Variants in PLEKHA3 observed in about 807,000 individuals in gnomAD.
PLEKHA3 encodes pleckstrin homology domain containing A3.
PLEKHA3 carries 19 observed loss-of-function variants against 39.2 expected under a neutral mutation model. That is an observed-to-expected ratio of 0.48 (90% CI 0.34 to 0.71). The LOEUF (loss-of-function observed/expected upper bound fraction) is 0.71, where lower values mean the gene tolerates loss of function less well. Among genes scored for constraint, PLEKHA3 ranks in the 30% least tolerant of loss-of-function variants. The pLI is 0.01. For missense variants in PLEKHA3, 253 were observed against 359.5 expected (o/e 0.70, Z 2.40); for synonymous variants, 97 against 118.6 (o/e 0.82, Z 1.18).
At chr2:178,496,475 C>A (rs1225827705) in intron 5 of PLEKHA3, among the ~76,000 whole-genome samples, 1 of 152,008 alleles carries the variant, frequency 6.6e-6, no homozygotes, top group Non-Finnish European at 1.5e-5. Flanking sequence ...TAGGGTCTAA[C>A]TTCTTCCTAG....
chr2:178,502,330 A>G (rs552103326), intron 7 of PLEKHA3: 56 of 406,878 alleles, frequency 1.4e-4, no homozygotes, highest in Non-Finnish European at 2.7e-4. Context: ...TTGAATTTAA[A>G]TTGAGATGTG....
chr2:178,489,456 T>G (rs1685308811), intron 2 of PLEKHA3, among the ~76,000 whole-genome samples: 1 of 138,320 alleles, frequency 7.2e-6, no homozygotes, highest in Non-Finnish European at 1.6e-5. Flanking sequence ...TCCTTCTTTT[T>G]TTTTTTTTTT....
In PLEKHA3 at chr2:178,501,129, A is replaced by G. The variant is rs755657036; in HGVS notation, c.728A>G (p.Tyr243Cys). Residue 243 changes from tyrosine to cysteine, a missense_variant, in exon 7 of 8, where the codon TAC (tyrosine) becomes TGC (cysteine). Coordinates refer to ENST00000234453, the MANE Select transcript of PLEKHA3 (RefSeq NM_019091.4). The part of the protein sequence containing the change: ...HRLSQRRRRT[Y>C]SDTDSCSDIP... Reference sequence around the variant, plus strand: ...CTCTCCCAGCGACGCCGAAGAACCTACTCAGATACAGATTCTTGTAGTGAT... The same window carrying G: ...CTCTCCCAGCGACGCCGAAGAACCTGCTCAGATACAGATTCTTGTAGTGAT... The G allele has an allele frequency of 5.6e-6, 9 of 1,613,194 alleles. No homozygotes were observed. The highest frequency in any genetic ancestry group is 1.7e-5 in the Admixed American group (1 of 59,952).
rs753092243 is a variant in PLEKHA3 at position 178,516,065 on chromosome 2, CATAT to C, written c.*12188_*12191del. 3 of 149,832 alleles carry C rather than the reference CATAT, an allele frequency of 2.0e-5. No homozygotes were observed. Among genetic ancestry groups the C allele is most frequent in the African/African-American group, 7.3e-5 (3 of 40,820 alleles). 9.3% of individuals were successfully genotyped at this position (149,832 alleles called of 1,614,324 possible). ...GCTTATATATGTGTATATACACATA[CATAT>C]ATATATATACATACATATATATACA... On this transcript the variant is annotated 3_prime_UTR_variant, in exon 8 of 8. Coordinates refer to ENST00000234453, the MANE Select transcript of PLEKHA3 (RefSeq NM_019091.4).
Position 178,503,762 on chromosome 2 carries a change from C to T in PLEKHA3, c.778C>T (p.Pro260Ser). 1 of 1,611,048 alleles carries T rather than the reference C, an allele frequency of 6.2e-7. No homozygotes were observed. Among genetic ancestry groups the T allele is most frequent in the Non-Finnish European group, 8.5e-7 (1 of 1,177,776 alleles). Residue 260 changes from proline (P) to serine (S), a missense_variant and splice_region_variant, in exon 8 of 8, where the codon CCT becomes TCT. Pro to Ser is a moderately conservative substitution (Grantham distance 74). Around this residue, in one of 2 missense-constraint regions of PLEKHA3, gnomAD observed 127 missense variants for 136.8 expected, o/e 0.93. Coordinates refer to ENST00000234453, the MANE Select transcript of PLEKHA3 (RefSeq NM_019091.4). Reference protein sequence around the residue: ...SDIPLEDPDRPVHCSKNTLNG... With the variant: ...SDIPLEDPDRSVHCSKNTLNG... ...CGTTTTTATCAATGTCTTCATAGGA[C>T]CTGTTCACTGTTCAAAAAATACACT... is the stretch of plus-strand genomic sequence containing the variant.
At position 178,509,267 on chromosome 2, in the gene PLEKHA3, T is replaced by TA. The variant is rs1328477071; in HGVS notation, c.*5386dup. 6.6e-6 allele frequency: 1 copy of TA among 152,146 alleles called. No individual in the cohort carries two copies. Among genetic ancestry groups the TA allele is most frequent in the Non-Finnish European group, 1.5e-5 (1 of 68,012 alleles). The allele number at this position is 152,146 out of a possible 1,614,324, so 9.4% of individuals were successfully genotyped here. A position where few individuals can be genotyped will look rare whatever the true frequency, so the allele number is the denominator to read the frequency against. On this transcript the variant is annotated 3_prime_UTR_variant, in exon 8 of 8. Coordinates refer to ENST00000234453, the MANE Select transcript of PLEKHA3 (RefSeq NM_019091.4). ...TCTAGATTTAAATTCTAATAGTGTA[T>TA]AAAAAATAAAAATTCTTTAGTATTA...
rs1310895116 is a variant in PLEKHA3, at chr2:178,513,810, G to C, written c.*9923G>C. On this transcript the variant is annotated 3_prime_UTR_variant, in exon 8 of 8. Transcript: ENST00000234453. ...ACAGATAGTAAGGGTTAACCACCCA[G>C]ATTTTTGTCAGATAATATATACATG... The C allele has an allele frequency of 6.6e-6, 1 of 151,822 alleles. No homozygotes were observed. Among genetic ancestry groups the C allele is most frequent in the Non-Finnish European group, 1.5e-5 (1 of 67,980 alleles). The allele number at this position is 151,822 out of a possible 1,614,324, so 9.4% of individuals were successfully genotyped here.
In PLEKHA3 at chr2:178,512,146, C is replaced by G. The variant is rs1300041709; in HGVS notation, c.*8259C>G. Reference sequence around the variant, plus strand: ...CTGAAACATTAAGCCTTTAAGTTATCCCTTTATTTAGTATTTAAATTCACA... The same window carrying G: ...CTGAAACATTAAGCCTTTAAGTTATGCCTTTATTTAGTATTTAAATTCACA... On this transcript the variant is annotated 3_prime_UTR_variant, in exon 8 of 8. Coordinates refer to ENST00000234453, the MANE Select transcript of PLEKHA3 (RefSeq NM_019091.4). The G allele has an allele frequency of 6.6e-6, 1 of 152,152 alleles. No homozygotes were observed. The highest frequency in any genetic ancestry group is 1.5e-5 in the Non-Finnish European group (1 of 68,020). The allele number at this position is 152,152 out of a possible 1,614,324, so 9.4% of individuals were successfully genotyped here.
chr2:178,488,924 C>T (rs1156697717), intron 2 of PLEKHA3: 2 of 439,372 alleles, frequency 4.6e-6, no homozygotes, highest in Non-Finnish European at 9.2e-6. Flanking sequence ...TCCATCTTTT[C>T]TGATGTTTTG....
In PLEKHA3 at chr2:178,503,916, G is replaced by A. The variant is rs764784476; in HGVS notation, c.*29G>A. The A allele has an allele frequency of 6.2e-7, 1 of 1,608,248 alleles. No individual in the cohort carries two copies. The highest frequency in any genetic ancestry group is 1.1e-5 in the South Asian group (1 of 90,778). Reference sequence around the variant, plus strand: ...AACTGAAGTGTCCAACTTCCTCTAAGTATTGCTATGCAAAAGCTGCTGTAA... The same window carrying A: ...AACTGAAGTGTCCAACTTCCTCTAAATATTGCTATGCAAAAGCTGCTGTAA... On this transcript the variant is annotated 3_prime_UTR_variant, in exon 8 of 8. Transcript: ENST00000234453.
chr2:178,487,613 G>A (rs766852073), intron 2 of PLEKHA3, among the ~76,000 whole-genome samples: 1 of 151,726 alleles, frequency 6.6e-6, no homozygotes, highest in Non-Finnish European at 1.5e-5. Context: ...TAATTTTTAT[G>A]TTTTTTGTAG....
rs1261464328 is a variant in PLEKHA3 at position 178,503,973 on chromosome 2, C to T, written c.*86C>T. On this transcript the variant is annotated 3_prime_UTR_variant, in exon 8 of 8. Transcript: ENST00000234453. ...TATTGTTATAGGGAGTAGTTTTTTC[C>T]CTTAGGACTCTGCACTTTATAGAAT... The T allele has an allele frequency of 7.7e-6, 11 of 1,430,862 alleles. No homozygotes were observed. The highest frequency in any genetic ancestry group is 1.1e-5 in the Non-Finnish European group (11 of 1,034,288). The allele number at this position is 1,430,862 out of a possible 1,614,324, so 88.6% of individuals were successfully genotyped here.
intron 4 of PLEKHA3, among the ~76,000 whole-genome samples, chr2:178,494,311 C>T (rs1685405148): frequency 6.6e-6 from 1 of 152,146 alleles, no homozygotes; most frequent in Non-Finnish European, 1.5e-5. Context: ...TGGACAGCTG[C>T]TATTCTCTTT....
At chr2:178,481,488 A>C (rs146921544) in intron 1 of PLEKHA3, among the ~76,000 whole-genome samples, 1 of 152,152 alleles carries the variant, frequency 6.6e-6, no homozygotes, top group East Asian at 1.9e-4. Context: ...GTTAACTGAG[A>C]AATAGTGGAA....
rs577476871 is a variant in PLEKHA3 at position 178,483,378 on chromosome 2, A to C, written c.41-2263A>C. Among the ~76,000 whole-genome samples, 3 of 152,284 alleles carry C rather than the reference A, an allele frequency of 2.0e-5. No homozygotes were observed. The South Asian group carries it at 6.2e-4, about 32-fold the overall frequency. On this transcript the variant is annotated intron_variant, in intron 1 of 7. Transcript: ENST00000234453. ...GAATTTTAAAAAGGGAATACCTGTG[A>C]ATCTTTTTCACAGATATTACCCTCT...
chr2:178,492,977 G>A lies in PLEKHA3; in HGVS notation c.314-876G>A, dbSNP rs149054788. ...AAAGAATAGGCTTAAATATGAGCAG[G>A]AATTGATTTAGGTTAGATTAAATGC... is the stretch of plus-strand genomic sequence containing the variant. On this transcript the variant is annotated intron_variant, in intron 3 of 7. Transcript: ENST00000234453. Among the ~76,000 whole-genome samples the A allele has an allele frequency of 9.2e-5, 14 of 152,300 alleles. No homozygotes were observed. In the East Asian group the frequency reaches 2.7e-3, roughly 29 times the overall value.
chr2:178,515,401 T>G lies in PLEKHA3; in HGVS notation c.*11514T>G, dbSNP rs887382093. The G allele has an allele frequency of 2.6e-5, 4 of 152,188 alleles. No individual in the cohort carries two copies. Among genetic ancestry groups the G allele is most frequent in the Non-Finnish European group, 5.9e-5 (4 of 68,036 alleles). The allele number at this position is 152,188 out of a possible 1,614,324, so 9.4% of individuals were successfully genotyped here. On this transcript the variant is annotated 3_prime_UTR_variant, in exon 8 of 8. Coordinates refer to ENST00000234453, the MANE Select transcript of PLEKHA3 (RefSeq NM_019091.4). ...CTATAATTAGCCAAAAAAAGACATA[T>G]GAACTTTTCTCATTCTGTCTACCTT...
In PLEKHA3 at chr2:178,503,965, G is replaced by GT. The variant is rs1182807475; in HGVS notation, c.*84dup. The stretch of plus-strand genomic sequence containing the variant: ...AATTAAACTATTGTTATAGGGAGTA[G>GT]TTTTTTCCCTTAGGACTCTGCACTT... On this transcript the variant is annotated 3_prime_UTR_variant, in exon 8 of 8. Transcript: ENST00000234453. 1.3e-6 allele frequency: 2 copies of GT among 1,523,230 alleles called. No individual in the cohort carries two copies. The highest frequency in any genetic ancestry group is 1.4e-5 in the African/African-American group (1 of 72,534). The allele number at this position is 1,523,230 out of a possible 1,614,324, so 94.4% of individuals were successfully genotyped here.
rs1685430331 is a variant in PLEKHA3, at chr2:178,495,678, T to C, written c.615+18T>C. ...TTCAAATGGTTTGAACTTCTTGTTT[T>C]GGTTTTTTCCCTCAGTAGTAATGTT... On this transcript the variant is annotated intron_variant, in intron 5 of 7. Coordinates refer to ENST00000234453, the MANE Select transcript of PLEKHA3 (RefSeq NM_019091.4). 1 of 1,581,680 alleles carries C rather than the reference T, an allele frequency of 6.3e-7. No homozygotes were observed. The highest frequency in any genetic ancestry group is 2.3e-5 in the East Asian group (1 of 44,178).
Sources: gnomAD v4.1 joint callset for allele counts (sites outside exome capture counted in the v4.1 genomes callset) on GRCh38, gnomAD v4.1.1 for gene constraint, gnomAD v4.1.1 regional missense constraint, MANE v1.5 for transcripts, NCBI Gene and HGNC (gene_info 2026-07-23, HGNC 2026-07-21) for gene names.